The following PLCG2 variants were observed in gnomAD, a reference collection of about 807,000 sequenced individuals.
PLCG2 encodes phospholipase C gamma 2.
A neutral mutation model predicts 175.6 loss-of-function variants in PLCG2; 69 were observed. The ratio of observed to expected loss-of-function variants is 0.39; its 90% CI spans 0.32 to 0.48. The LOEUF (loss-of-function observed/expected upper bound fraction) is 0.48. PLCG2 is among the 20% of genes least tolerant of loss of function. The pLI is 0.91. For missense variants in PLCG2, 1,798 were observed against 1,650.9 expected, an observed-to-expected ratio of 1.09 and a Z score of -1.54; for synonymous variants, 827 against 624.0, an observed-to-expected ratio of 1.33 and a Z score of -4.85.
At chr16:81,804,584 A>G (rs977908776) in intron 2 of PLCG2, among the ~76,000 whole-genome samples, 2 of 152,202 alleles carry the variant, frequency 1.3e-5, no homozygotes, top group African/African-American at 4.8e-5. Flanking sequence ...CATTTTTTGA[A>G]GTTAGTAACC....
chr16:81,897,619 C>T (rs1455788812), intron 13 of PLCG2, among the ~76,000 whole-genome samples: 3 of 146,982 alleles, frequency 2.0e-5, no homozygotes, highest in African/African-American at 7.5e-5. Context: ...GATCTCGGCT[C>T]ACTGCAACCT....
chr16:81,820,714 A>G (rs2143334000), intron 2 of PLCG2, among the ~76,000 whole-genome samples: 1 of 152,200 alleles, frequency 6.6e-6, no homozygotes, highest in Admixed American at 6.5e-5. Context: ...TCCGCCTCCC[A>G]GGTTCAAGCA....
At chr16:81,802,777 A>G (rs962131055) in intron 2 of PLCG2, among the ~76,000 whole-genome samples, 3 of 151,652 alleles carry the variant, frequency 2.0e-5, no homozygotes, top group Admixed American at 6.6e-5. Flanking sequence ...CATCATTTTG[A>G]TCAGGCTGGT....
chr16:81,805,558 G>A (rs1367870697), intron 2 of PLCG2, among the ~76,000 whole-genome samples: 1 of 139,570 alleles, frequency 7.2e-6, no homozygotes, highest in Non-Finnish European at 1.6e-5. Context: ...AAAAACAAAA[G>A]CTCAACAATA....
At chr16:81,891,391 TGGTGGGCGCAGACCA>T in intron 10 of PLCG2, 66 bp from the exon 11 acceptor site, 1 of 821,840 alleles carries the variant, frequency 1.2e-6, no homozygotes, top group South Asian at 1.4e-5. Context: ...TCTTCCCCCC[TGGTGGGCGCAGACCA>T]GAAACAAGCA....
At chr16:81,782,225 G>A (rs1238706970) in intron 1 of PLCG2, among the ~76,000 whole-genome samples, 1 of 80,250 alleles carries the variant, frequency 1.2e-5, no homozygotes, top group Non-Finnish European at 2.4e-5. Flanking sequence ...ACATGAATGA[G>A]CTTATGAGAT....
chr16:81,801,980 C>G lies in PLCG2; in HGVS notation c.193+15798C>G, dbSNP rs567975950. Among the ~76,000 whole-genome samples the G allele has an allele frequency of 3.0e-4, 45 of 151,584 alleles. No homozygotes were observed. In the South Asian group the frequency reaches 8.8e-3, roughly 30 times the overall value. On this transcript the variant is annotated intron_variant, in intron 2 of 32. Transcript: ENST00000564138. ...ACAGGCATCAGCCATCACACCTGGC[C>G]AACATTTCATTTTGAAATGGCTTCC...
intron 8 of PLCG2, 60 bp from the exon 9 acceptor site, chr16:81,883,209 C>T (rs574733648): frequency 1.3e-6 from 2 of 1,492,052 alleles, no homozygotes; most frequent in Non-Finnish European, 1.9e-6. Context: ...CTGGCATCTC[C>T]TCTCGACTCC....
intron 2 of PLCG2, among the ~76,000 whole-genome samples, chr16:81,801,552 C>T (rs367936087): frequency 6.6e-6 from 1 of 152,136 alleles, no homozygotes; most frequent in Non-Finnish European, 1.5e-5. Context: ...TAGGTTGTTT[C>T]CAATCATGAT....
chr16:81,940,093 G>C (rs187699588), intron 30 of PLCG2, 34 bp downstream of exon 30: 2 of 1,567,368 alleles, frequency 1.3e-6, no homozygotes, highest in Non-Finnish European at 1.8e-6. Context: ...GTTCGATTTG[G>C]GCTGGCGTTG....
At chr16:81,801,685 AT>A (rs776747204) in intron 2 of PLCG2, among the ~76,000 whole-genome samples, 39 of 149,502 alleles carry the variant, frequency 2.6e-4, no homozygotes, top group Non-Finnish European at 4.5e-4. Context: ...ATTTTCTTTA[AT>A]TTTTTTTTTC....
chr16:81,753,961 G>C (rs1193122262), intron 1 of PLCG2, among the ~76,000 whole-genome samples: 2 of 152,148 alleles, frequency 1.3e-5, no homozygotes, highest in African/African-American at 2.4e-5. Flanking sequence ...ACCTTGGGTG[G>C]AGGCTGAGCC....
intron 24 of PLCG2, chr16:81,928,836 C>G (rs563026663): frequency 2.0e-5 from 10 of 489,792 alleles, no homozygotes; most frequent in Admixed American, 6.2e-5. Flanking sequence ...AGTGCTAAAA[C>G]AAGGTCTCGT....
intron 13 of PLCG2, among the ~76,000 whole-genome samples, chr16:81,900,072 C>T (rs28394704): frequency 6.8e-6 from 1 of 147,302 alleles, no homozygotes; most frequent in African/African-American, 2.5e-5. Flanking sequence ...TAGAAATATA[C>T]ATATATACAC....
intron 1 of PLCG2, among the ~76,000 whole-genome samples, chr16:81,784,589 G>T (rs1307640739): frequency 1.3e-5 from 2 of 152,126 alleles, no homozygotes; most frequent in East Asian, 3.9e-4. Flanking sequence ...GCACCTCCAG[G>T]GACTTGGAGG....
chr16:81,922,963 C>T (rs551050517), intron 21 of PLCG2, among the ~76,000 whole-genome samples: 101 of 152,230 alleles, frequency 6.6e-4, no homozygotes, highest in Non-Finnish European at 3.8e-4. Context: ...CAGGGTCCTG[C>T]AGGAGTGTAG....
rs376192123 is a variant in PLCG2, at chr16:81,880,916, G to A, written c.655G>A (p.Asp219Asn). The A allele has an allele frequency of 1.9e-6, 3 of 1,613,888 alleles. No homozygotes were observed. Among genetic ancestry groups the A allele is most frequent in the East Asian group, 2.2e-5 (1 of 44,864 alleles). The change falls in exon 8 of 33, where the codon GAT becomes AAT. Residue 219 changes from aspartate to asparagine, a missense_variant. Transcript: ENST00000564138. ...LMFEQQKSIL[D>N]EFKKDSSVFI... ...TGTGTGCTTTCCATTTCAGATTCTC[G>A]ATGAATTCAAAAAGGATTCGTCCGT...
chr16:81,941,271 A>G (rs1026813306), intron 30 of PLCG2, among the ~76,000 whole-genome samples: 1 of 152,170 alleles, frequency 6.6e-6, no homozygotes, highest in Non-Finnish European at 1.5e-5. Context: ...TCACTCCTGT[A>G]ATCATAATCC....
At chr16:81,937,659 G>C in intron 27 of PLCG2, 99 bp from the exon 28 acceptor site, 1 of 1,019,822 alleles carries the variant, frequency 9.8e-7, no homozygotes, top group Non-Finnish European at 1.5e-6. Flanking sequence ...ACATTAATTT[G>C]GGGAAAAGGT....
Sources: allele counts gnomAD v4.1 joint callset (sites outside exome capture counted in the v4.1 genomes callset), GRCh38; gene constraint gnomAD v4.1.1; transcripts MANE v1.5; gene names NCBI Gene and HGNC (gene_info 2026-07-23, HGNC 2026-07-21).